Variants in FYB1 observed in about 807,000 individuals in gnomAD.
FYB1 encodes FYN-binding protein 1.
Under a neutral mutation model 94.1 loss-of-function variants are expected in FYB1, and 41 were observed. That is an observed-to-expected ratio of 0.44 (90% CI 0.34 to 0.57). The LOEUF is 0.57. Among genes scored for constraint, FYB1 ranks in the 20% least tolerant of loss-of-function variants. The probability of loss-of-function intolerance (pLI) is 0.02; values close to 1 mark genes in which losing one functional copy is unlikely to be tolerated. For synonymous variants in FYB1, 367 were observed against 353.2 expected, an observed-to-expected ratio of 1.04 and a Z score of -0.44; for missense variants, 1,050 against 976.8, an observed-to-expected ratio of 1.07 and a Z score of -1.00.
At chr5:39,167,243 G>A (rs1744820680) in intron 2 of FYB1, among the ~76,000 whole-genome samples, 1 of 152,046 alleles carries the variant, frequency 6.6e-6, no homozygotes, top group Non-Finnish European at 1.5e-5. Context: ...CTAGAGGTGT[G>A]ATCTTGGGTA....
At chr5:39,205,912 G>T (rs867390343) in intron 1 of FYB1, among the ~76,000 whole-genome samples, 4 of 152,076 alleles carry the variant, frequency 2.6e-5, no homozygotes, top group Non-Finnish European at 5.9e-5. Flanking sequence ...GATTAAATGG[G>T]CAAAGGCATG....
intron 1 of FYB1, among the ~76,000 whole-genome samples, chr5:39,237,692 A>G (rs1751030743): frequency 6.6e-6 from 1 of 152,148 alleles, no homozygotes; most frequent in Admixed American, 6.6e-5. Context: ...CATAGGTGGG[A>G]AAAGAAACCC....
At chr5:39,253,347 T>C (rs1201187319) in intron 1 of FYB1, among the ~76,000 whole-genome samples, 1 of 144,944 alleles carries the variant, frequency 6.9e-6, no homozygotes, top group Non-Finnish European at 1.5e-5. Context: ...TCCCATGAAA[T>C]AAAAATGTCT....
At chr5:39,178,517 G>A (rs1745932406) in intron 2 of FYB1, among the ~76,000 whole-genome samples, 1 of 152,096 alleles carries the variant, frequency 6.6e-6, no homozygotes, top group Admixed American at 6.6e-5. Flanking sequence ...ACATAACATT[G>A]TATAAATCAC....
intron 1 of FYB1, among the ~76,000 whole-genome samples, chr5:39,240,516 A>G (rs892040635): frequency 6.6e-6 from 1 of 151,862 alleles, no homozygotes; most frequent in African/African-American, 2.4e-5. Context: ...AAAGGACATG[A>G]ACAGGCACTT....
chr5:39,240,913 G>A (rs1661853), intron 1 of FYB1, among the ~76,000 whole-genome samples: 25,639 of 152,066 alleles, frequency 0.17, 5,773 homozygotes, highest in African/African-American at 0.5. Flanking sequence ...AAGATACAGA[G>A]TCAACCTGAA....
intron 1 of FYB1, among the ~76,000 whole-genome samples, chr5:39,205,607 C>G (rs1252341379): frequency 6.6e-6 from 1 of 152,140 alleles, no homozygotes; most frequent in Non-Finnish European, 1.5e-5. Flanking sequence ...ATGAAATACC[C>G]TAGCCCATGA....
At chr5:39,221,951 A>T (rs1468431983), upstream of FYB1, among the ~76,000 whole-genome samples, 1 of 152,106 alleles carries the variant, frequency 6.6e-6, no homozygotes, top group Non-Finnish European at 1.5e-5. Context: ...CAGTGAGCTG[A>T]GATTGCACCA....
chr5:39,233,825 A>G (rs1750848375), intron 1 of FYB1, among the ~76,000 whole-genome samples: 1 of 152,170 alleles, frequency 6.6e-6, no homozygotes, highest in Non-Finnish European at 1.5e-5. Context: ...GCCTTTTCAG[A>G]TAATTATGTA....
At chr5:39,260,162 T>C (rs1054647883) in intron 1 of FYB1, among the ~76,000 whole-genome samples, 1 of 152,158 alleles carries the variant, frequency 6.6e-6, no homozygotes, top group African/African-American at 2.4e-5. Context: ...GAGGAAATGA[T>C]AGAGTAATGG....
At chr5:39,228,907 C>T (rs1210141750) in intron 1 of FYB1, among the ~76,000 whole-genome samples, 1 of 152,070 alleles carries the variant, frequency 6.6e-6, no homozygotes, top group Non-Finnish European at 1.5e-5. Flanking sequence ...GGGATTTTTA[C>T]CTAAATACAG....
At chr5:39,237,156 GGTAACTGGAAAAAATT>G (rs1179794283) in intron 1 of FYB1, among the ~76,000 whole-genome samples, 1 of 152,026 alleles carries the variant, frequency 6.6e-6, no homozygotes, top group Admixed American at 6.6e-5. Context: ...GACTGTCATT[GGTAACTGGAAAAAATT>G]GTAGGCTCAT....
At chr5:39,122,881 G>T (rs17463814) in intron 13 of FYB1, among the ~76,000 whole-genome samples, 1 of 151,684 alleles carries the variant, frequency 6.6e-6, no homozygotes, top group Non-Finnish European at 1.5e-5. Context: ...TCTGTTTCCC[G>T]TTACCTTTTA....
At chr5:39,223,925 C>G (rs183534502), upstream of FYB1, among the ~76,000 whole-genome samples, 1 of 152,250 alleles carries the variant, frequency 6.6e-6, no homozygotes. Context: ...CCCACACTCC[C>G]CTCTTCTCCA....
intron 13 of FYB1, among the ~76,000 whole-genome samples, chr5:39,122,925 A>ATTT (rs1740265895): frequency 6.6e-6 from 1 of 152,150 alleles, no homozygotes; most frequent in Non-Finnish European, 1.5e-5. Flanking sequence ...CACCACCTTT[A>ATTT]AATGGAAAGA....
chr5:39,191,165 T>C (rs929944956), intron 2 of FYB1, among the ~76,000 whole-genome samples: 2 of 152,236 alleles, frequency 1.3e-5, no homozygotes, highest in Non-Finnish European at 2.9e-5. Flanking sequence ...GACAGATTTT[T>C]AATTGCCTGG....
At chr5:39,182,329 G>A (rs957448201) in intron 2 of FYB1, among the ~76,000 whole-genome samples, 3 of 64,622 alleles carry the variant, frequency 4.6e-5, no homozygotes, top group Non-Finnish European at 7.5e-5. Flanking sequence ...GTGTGTGTGT[G>A]TGTGTGTGTG....
At chr5:39,170,755 T>C (rs1361780873) in intron 2 of FYB1, among the ~76,000 whole-genome samples, 1 of 152,172 alleles carries the variant, frequency 6.6e-6, no homozygotes, top group African/African-American at 2.4e-5. Flanking sequence ...TATCATAAAT[T>C]CCAAACTGTG....
chr5:39,254,060 G>C (rs1751839395), intron 1 of FYB1, among the ~76,000 whole-genome samples: 1 of 152,164 alleles, frequency 6.6e-6, no homozygotes, highest in South Asian at 2.1e-4. Context: ...GTTCTATGGT[G>C]TATATGTACC....
Sources: gnomAD v4.1 joint callset for allele counts (sites outside exome capture counted in the v4.1 genomes callset) on GRCh38, gnomAD v4.1.1 for gene constraint, MANE v1.5 for transcripts, NCBI Gene and HGNC (gene_info 2026-07-23, HGNC 2026-07-21) for gene names.